Variants in SORBS2 observed in about 807,000 individuals in gnomAD.
SORBS2 encodes sorbin and SH3 domain containing 2, also known as sorbin and SH3 domain-containing protein 2.
Under a neutral mutation model 97.7 loss-of-function variants are expected in SORBS2, and 46 were observed. The observed-to-expected ratio is 0.47, with a 90% CI of 0.37 to 0.60. SORBS2 has a LOEUF of 0.60. Among genes scored for constraint, SORBS2 ranks in the 20% least tolerant of loss-of-function variants. The probability of loss-of-function intolerance (pLI) is 0.00; values close to 1 mark genes in which losing one functional copy is unlikely to be tolerated. For synonymous variants in SORBS2, 476 were observed against 473.4 expected (o/e 1.01, Z -0.07); for missense variants, 1,316 against 1,282.3 (o/e 1.03, Z -0.40).
In SORBS2 at chr4:185,626,670, C is replaced by T. The variant is rs1177398661; in HGVS notation, c.634+162G>A. 15 of 698,092 alleles carry T rather than the reference C, an allele frequency of 2.1e-5. No individual in the cohort carries two copies. In the East Asian group the frequency reaches 3.5e-4, roughly 17 times the overall value. 43.2% of individuals were successfully genotyped at this position (698,092 alleles called of 1,614,324 possible). A position where few individuals can be genotyped will look rare whatever the true frequency, so the allele number is the denominator to read the frequency against. Reference sequence around the variant, plus strand: ...ACCTAAGTGGCTCGCCAGCTTGAGTCAGTCTGGGTGGGAAGAAGGCTATTG... The same window carrying T: ...ACCTAAGTGGCTCGCCAGCTTGAGTTAGTCTGGGTGGGAAGAAGGCTATTG... On this transcript the variant is annotated intron_variant, in intron 6 of 14. Coordinates refer to ENST00000418609, the Ensembl canonical transcript of SORBS2.
At chr4:185,744,782 G>A (rs993663906) in intron 2 of SORBS2, among the ~76,000 whole-genome samples, 4 of 152,200 alleles carry the variant, frequency 2.6e-5, no homozygotes, top group Non-Finnish European at 5.9e-5. Flanking sequence ...TGGCCACTAT[G>A]CATTAAAGAC....
At chr4:185,677,833 T>A (rs1172862683) in intron 4 of SORBS2, among the ~76,000 whole-genome samples, 1 of 152,192 alleles carries the variant, frequency 6.6e-6, no homozygotes, top group Non-Finnish European at 1.5e-5. Flanking sequence ...TGCACTTATG[T>A]TTATTATCAA....
At chr4:185,793,620 C>T (rs2099091355) in intron 1 of SORBS2, among the ~76,000 whole-genome samples, 1 of 151,340 alleles carries the variant, frequency 6.6e-6, no homozygotes. Flanking sequence ...TATTTTTGAC[C>T]CAGTTGAGCC....
chr4:185,819,675 C>T (rs2099195501), intron 1 of SORBS2, among the ~76,000 whole-genome samples: 1 of 152,178 alleles, frequency 6.6e-6, no homozygotes, highest in Non-Finnish European at 1.5e-5. Context: ...GGCTGGTCAC[C>T]TGTCAGTGCA....
intron 6 of SORBS2, 140 bp downstream of exon 18, chr4:185,626,692 A>G: frequency 6.1e-6 from 5 of 822,980 alleles, no homozygotes; most frequent in South Asian, 1.7e-5. Flanking sequence ...GAAGAAGGCT[A>G]TTGTTCTAAA....
At chr4:185,635,372 A>G in intron 4 of SORBS2, 1 of 1,613,760 alleles carries the variant, frequency 6.2e-7, no homozygotes. Context: ...AAAACACCAG[A>G]AGAATGATCT....
At chr4:185,732,261 C>G (rs2098646834) in intron 2 of SORBS2, among the ~76,000 whole-genome samples, 1 of 152,130 alleles carries the variant, frequency 6.6e-6, no homozygotes. Context: ...TAGAAAAACT[C>G]ATTCCCTTGG....
intron 9 of SORBS2, among the ~76,000 whole-genome samples, chr4:185,618,190 G>A (rs376198030): frequency 1.3e-5 from 2 of 152,120 alleles, no homozygotes; most frequent in African/African-American, 4.8e-5. Context: ...GCCCAGGCTG[G>A]TTTTGAACTC....
rs568913611 is a variant in SORBS2, at chr4:185,863,130, C to T, written c.-337-87764G>A. Among the ~76,000 whole-genome samples, 95 of 152,282 alleles carry T rather than the reference C, an allele frequency of 6.2e-4. 1 individual carries two copies. The South Asian group carries it at 0.012, about 19-fold the overall frequency. On this transcript the variant is annotated intron_variant, in intron 1 of 20. Transcript: ENST00000284776. The stretch of plus-strand genomic sequence containing the variant: ...TGCTAATTAGACTAAAGGCACGTCC[C>T]TCCACCTGGATTTGCATTTTTACAT...
In SORBS2 at chr4:185,587,691, G is replaced by GA. The variant is rs1278845826; in HGVS notation, c.2954-4dup. 3 of 1,611,130 alleles carry GA rather than the reference G, an allele frequency of 1.9e-6. No homozygotes were observed. Among genetic ancestry groups the GA allele is most frequent in the Non-Finnish European group, 2.5e-6 (3 of 1,177,980 alleles). ...GAATTTGGTTCTTCTTGAGGTCCCT[G>GA]AAAATAGAAGCGAGTCATGAAAGGG... On this transcript the variant is annotated splice_polypyrimidine_tract_variant and splice_region_variant and intron_variant, in intron 14 of 14. Transcript: ENST00000418609.
At chr4:185,738,126 A>T (rs951803443) in intron 2 of SORBS2, among the ~76,000 whole-genome samples, 3 of 152,248 alleles carry the variant, frequency 2.0e-5, no homozygotes, top group Non-Finnish European at 4.4e-5. Flanking sequence ...CAGCCTGTTT[A>T]TGTGGAGCTT....
intron 2 of SORBS2, among the ~76,000 whole-genome samples, chr4:185,736,134 C>A (rs1197961375): frequency 6.6e-6 from 1 of 152,204 alleles, no homozygotes; most frequent in Non-Finnish European, 1.5e-5. Context: ...CGCGAGGGAC[C>A]CTTGTCATCA....
At chr4:185,630,462 C>T (rs1210995974) in intron 5 of SORBS2, 87 bp downstream of exon 17, 5 of 730,490 alleles carry the variant, frequency 6.8e-6, no homozygotes, top group South Asian at 2.2e-5. Flanking sequence ...ATACATGATA[C>T]TCATTACTAC....
chr4:185,709,320 T>TC (rs1554199465), intron 2 of SORBS2, among the ~76,000 whole-genome samples: 100 of 141,032 alleles, frequency 7.1e-4, no homozygotes, highest in African/African-American at 2.0e-3. Flanking sequence ...TTTTTTTTTT[T>TC]TTTTAGTAAA....
chr4:185,613,674 G>T (rs1308353462), intron 11 of SORBS2, among the ~76,000 whole-genome samples: 1 of 139,452 alleles, frequency 7.2e-6, no homozygotes, highest in Non-Finnish European at 1.6e-5. Flanking sequence ...AAAAAAGTCA[G>T]TCTCCCCAAA....
chr4:185,916,542 C>A (rs1312942241), intron 1 of SORBS2, among the ~76,000 whole-genome samples: 2 of 152,148 alleles, frequency 1.3e-5, no homozygotes, highest in Non-Finnish European at 2.9e-5. Context: ...CTTGAAGTGG[C>A]CTGGTATAAA....
At chr4:185,861,599 A>ATT (rs57354475) in intron 1 of SORBS2, among the ~76,000 whole-genome samples, 11 of 146,250 alleles carry the variant, frequency 7.5e-5, no homozygotes, top group East Asian at 2.0e-4. Context: ...TCTGACTTCT[A>ATT]TTTTTTTTTT....
chr4:185,806,603 G>T (rs978676789), intron 1 of SORBS2, among the ~76,000 whole-genome samples: 3 of 150,646 alleles, frequency 2.0e-5, no homozygotes, highest in Non-Finnish European at 3.0e-5. Flanking sequence ...GACTACAGGC[G>T]CCCGCCACTA....
intron 2 of SORBS2, chr4:185,773,070 CA>C (rs1181809075): frequency 2.7e-5 from 4 of 150,364 alleles, no homozygotes; most frequent in African/African-American, 9.8e-5. Flanking sequence ...AAAAACAAAA[CA>C]AAACAGGGGG....
Sources: allele counts gnomAD v4.1 joint callset (sites outside exome capture counted in the v4.1 genomes callset), GRCh38; gene constraint gnomAD v4.1.1; transcripts MANE v1.5; gene names NCBI Gene and HGNC (gene_info 2026-07-23, HGNC 2026-07-21).